The following DCUN1D4 variants were observed in gnomAD, a reference collection of about 807,000 sequenced individuals.
DCUN1D4 encodes DCN1-like protein 4.
DCUN1D4 carries 22 observed loss-of-function variants against 47.9 expected under a neutral mutation model. The observed-to-expected ratio is 0.46, with a 90% CI of 0.33 to 0.66. The LOEUF (loss-of-function observed/expected upper bound fraction) is 0.66. Among genes scored for constraint, DCUN1D4 ranks in the 30% least tolerant of loss-of-function variants. The pLI is 0.02. For missense variants in DCUN1D4, 301 were observed against 340.8 expected (o/e 0.88, Z 0.92); for synonymous variants, 121 against 112.2 (o/e 1.08, Z -0.50).
intron 1 of DCUN1D4, among the ~76,000 whole-genome samples, chr4:51,849,919 A>G (rs1487509487): frequency 6.6e-6 from 1 of 152,180 alleles, no homozygotes; most frequent in Non-Finnish European, 1.5e-5. Context: ...TGATGTACCA[A>G]ATACCTTTTT....
chr4:51,846,035 A>G (rs1722492408), intron 1 of DCUN1D4, among the ~76,000 whole-genome samples: 1 of 152,184 alleles, frequency 6.6e-6, no homozygotes, highest in Admixed American at 6.5e-5. Flanking sequence ...AAGAGCTATA[A>G]TTGTCTTCAA....
At chr4:51,843,486 G>T in intron 1 of DCUN1D4, 1 of 1,277,770 alleles carries the variant, frequency 7.8e-7, no homozygotes, top group Non-Finnish European at 9.9e-7. Flanking sequence ...CCTGCGGGGA[G>T]GGCGGAGGTG....
chr4:51,885,785 GA>G (rs1278355455), intron 5 of DCUN1D4, among the ~76,000 whole-genome samples: 3 of 152,160 alleles, frequency 2.0e-5, no homozygotes, highest in Admixed American at 6.6e-5. Context: ...AAAGAAGCCA[GA>G]AGGGGAGAGG....
intron 6 of DCUN1D4, among the ~76,000 whole-genome samples, chr4:51,888,876 G>A (rs1423722068): frequency 1.3e-5 from 2 of 152,132 alleles, no homozygotes; most frequent in African/African-American, 4.8e-5. Flanking sequence ...AGAGGCCGAG[G>A]TGGGTGGGTG....
At chr4:51,866,688 G>C (rs1370649539) in intron 3 of DCUN1D4, among the ~76,000 whole-genome samples, 1 of 152,180 alleles carries the variant, frequency 6.6e-6, no homozygotes, top group Non-Finnish European at 1.5e-5. Flanking sequence ...AATTAGATAA[G>C]TATTGTTACT....
chr4:51,838,347 G>A (rs1006593524), upstream of DCUN1D4, among the ~76,000 whole-genome samples: 1 of 152,024 alleles, frequency 6.6e-6, no homozygotes, highest in Admixed American at 6.5e-5. Context: ...GTGGCTAGAT[G>A]TTCATCCCTA....
chr4:51,844,776 C>G, intron 1 of DCUN1D4: 1 of 961,898 alleles, frequency 1.0e-6, no homozygotes, highest in Non-Finnish European at 1.2e-6. Flanking sequence ...CCGCCGAATT[C>G]TGGGACTTGT....
At chr4:51,879,185 A>G (rs1435344794) in intron 5 of DCUN1D4, among the ~76,000 whole-genome samples, 1 of 152,192 alleles carries the variant, frequency 6.6e-6, no homozygotes, top group Non-Finnish European at 1.5e-5. Flanking sequence ...TTTGCGGGGC[A>G]TGGACACTAG....
At chr4:51,867,050 A>T (rs1418439678) in intron 3 of DCUN1D4, among the ~76,000 whole-genome samples, 7 of 152,230 alleles carry the variant, frequency 4.6e-5, no homozygotes, top group Admixed American at 1.3e-4. Context: ...CGCTCCAATC[A>T]CTGCACACAG....
intron 1 of DCUN1D4, among the ~76,000 whole-genome samples, chr4:51,860,284 G>T (rs1451830517): frequency 6.6e-6 from 1 of 152,032 alleles, no homozygotes; most frequent in Non-Finnish European, 1.5e-5. Flanking sequence ...GATAATTGGT[G>T]ACATATATTA....
chr4:51,842,340 G>A (rs1721735965), upstream of DCUN1D4, among the ~76,000 whole-genome samples: 1 of 152,216 alleles, frequency 6.6e-6, no homozygotes, highest in South Asian at 2.1e-4. Context: ...GGGGCATACA[G>A]ATGTGTGTGA....
chr4:51,913,486 T>TTAC, intron 10 of DCUN1D4, 43 bp from the exon 11 acceptor site: 1 of 1,494,956 alleles, frequency 6.7e-7, no homozygotes, highest in South Asian at 1.2e-5. Context: ...ATTATTATTG[T>TTAC]TATTATTATT....
chr4:51,843,222 C>T lies in DCUN1D4; in HGVS notation c.-21C>T, dbSNP rs1181898081. 1.9e-6 allele frequency: 3 copies of T among 1,540,406 alleles called. No individual in the cohort carries two copies. The highest frequency in any genetic ancestry group is 4.0e-5 in the Admixed American group (2 of 50,186). On this transcript the variant is annotated 5_prime_UTR_variant, in exon 1 of 11. Transcript: ENST00000334635. ...CGAGCGCGGGAGCCTGGGCGGCGAG[C>T]CGGGTGTGAGCTGCCTGAAAATGCA...
At chr4:51,850,572 T>C (rs758689879) in intron 1 of DCUN1D4, among the ~76,000 whole-genome samples, 3 of 152,224 alleles carry the variant, frequency 2.0e-5, no homozygotes, top group Non-Finnish European at 2.9e-5. Context: ...GGCTGTTCAG[T>C]CACCAAGTGT....
chr4:51,910,977 C>G (rs1271964221), intron 8 of DCUN1D4, 93 bp from the exon 9 acceptor site: 6 of 1,256,186 alleles, frequency 4.8e-6, no homozygotes, highest in East Asian at 2.3e-5. Context: ...GAGCTGTTTA[C>G]TAATTTCCTG....
chr4:51,894,429 T>G (rs1484301577), intron 7 of DCUN1D4, among the ~76,000 whole-genome samples: 2 of 151,574 alleles, frequency 1.3e-5, no homozygotes, highest in Non-Finnish European at 2.9e-5. Context: ...TGGCAAATGT[T>G]TGAATGACAG....
intron 5 of DCUN1D4, among the ~76,000 whole-genome samples, chr4:51,880,872 T>C (rs1012127628): frequency 1.3e-5 from 2 of 152,162 alleles, no homozygotes; most frequent in African/African-American, 4.8e-5. Flanking sequence ...GACTCACGCC[T>C]GTAATCCTAA....
chr4:51,863,710 G>A lies in DCUN1D4; in HGVS notation c.136+1G>A. 2.5e-6 allele frequency: 4 copies of A among 1,612,706 alleles called. No homozygotes were observed. The highest frequency in any genetic ancestry group is 3.4e-6 in the Non-Finnish European group (4 of 1,179,528). On this transcript the variant is annotated splice_donor_variant, in intron 3 of 10. Coordinates refer to ENST00000334635, the MANE Select transcript of DCUN1D4 (RefSeq NM_001040402.3). LOFTEE classifies it high-confidence loss of function. Reference sequence around the variant, plus strand: ...ATTGGCCAAGACGATCACCAAACAGGTATCTGTAAATGCTAACACTACTTA... The same window carrying A: ...ATTGGCCAAGACGATCACCAAACAGATATCTGTAAATGCTAACACTACTTA...
intron 7 of DCUN1D4, among the ~76,000 whole-genome samples, chr4:51,893,015 G>A (rs1204444542): frequency 6.6e-6 from 1 of 152,206 alleles, no homozygotes; most frequent in African/African-American, 2.4e-5. Flanking sequence ...TATGAAGACT[G>A]TTCACTATTC....
Sources: allele counts gnomAD v4.1 joint callset (sites outside exome capture counted in the v4.1 genomes callset), GRCh38; gene constraint gnomAD v4.1.1; transcripts MANE v1.5; gene names NCBI Gene and HGNC (gene_info 2026-07-23, HGNC 2026-07-21).